Variants in ARHGAP15 observed in about 807,000 individuals in gnomAD.
ARHGAP15 encodes the protein Rho GTPase activating protein 15.
In ARHGAP15, 51 loss-of-function variants were observed where a neutral mutation model predicts 63.7. That is an observed-to-expected ratio of 0.80 (90% CI 0.64 to 1.01). The LOEUF is 1.01. Ranked by LOEUF, ARHGAP15 falls within the 50% of genes least tolerant of loss-of-function variation. The pLI is 0.00. For synonymous variants in ARHGAP15, 191 were observed against 193.8 expected (o/e 0.99, Z 0.12); for missense variants, 560 against 564.6 (o/e 0.99, Z 0.08).
At chr2:143,343,847 C>T (rs999944573) in intron 6 of ARHGAP15, among the ~76,000 whole-genome samples, 18 of 152,232 alleles carry the variant, frequency 1.2e-4, no homozygotes, top group South Asian at 8.3e-4. Context: ...TTAATAATCT[C>T]TTTTCTCTGA....
chr2:143,491,221 G>A (rs985926097), intron 9 of ARHGAP15, among the ~76,000 whole-genome samples: 13 of 152,180 alleles, frequency 8.5e-5, no homozygotes, highest in African/African-American at 1.9e-4. Context: ...AGGCAAAAGC[G>A]TCCATTTTTG....
At chr2:143,232,350 C>G (rs1406144716) in intron 5 of ARHGAP15, among the ~76,000 whole-genome samples, 1 of 152,154 alleles carries the variant, frequency 6.6e-6, no homozygotes, top group African/African-American at 2.4e-5. Context: ...GCCTAACATA[C>G]TCTCTCTTTT....
intron 13 of ARHGAP15, chr2:143,706,560 G>C (rs1023906319): frequency 8.5e-5 from 13 of 152,162 alleles, no homozygotes; most frequent in African/African-American, 3.1e-4. Flanking sequence ...AACTGGGAAA[G>C]CTTAATGCGG....
intron 10 of ARHGAP15, among the ~76,000 whole-genome samples, chr2:143,543,490 C>G (rs58857484): frequency 0.21 from 32,103 of 151,980 alleles, 3,686 homozygotes; most frequent in Middle Eastern, 0.29. Flanking sequence ...TAATTTCTCC[C>G]ATTCTATAGG....
intron 13 of ARHGAP15, among the ~76,000 whole-genome samples, chr2:143,721,007 A>G (rs1164046308): frequency 7.1e-6 from 1 of 141,466 alleles, no homozygotes; most frequent in East Asian, 2.2e-4. Context: ...TGGAGCTTGC[A>G]GTGAGCCGAG....
intron 6 of ARHGAP15, among the ~76,000 whole-genome samples, chr2:143,342,053 T>A (rs2105288716): frequency 6.6e-6 from 1 of 152,268 alleles, no homozygotes; most frequent in African/African-American, 2.4e-5. Context: ...ATGGTAGAAT[T>A]GGAGACAACT....
chr2:143,330,114 AAAAAAAAAAAAAAAAAACCAAAAAC>A lies in ARHGAP15; in HGVS notation c.474+79521_474+79545del, dbSNP rs1459617394. ...TGTCTCAAAAAAAAAAAAAAAAAAA[AAAAAAAAAAAAAAAAAACCAAAAAC>A]AAAAAACTAAACTAATGATTAATAA... On this transcript the variant is annotated intron_variant, in intron 6 of 13. Coordinates refer to ENST00000295095, the MANE Select transcript of ARHGAP15 (RefSeq NM_018460.4). 2.9e-4 allele frequency among the ~76,000 whole-genome samples: 26 copies of A among 88,918 alleles called. 2 individuals are homozygous for A. The highest frequency in any genetic ancestry group is 1.5e-3 in the South Asian group (4 of 2,716). 58.3% of individuals were successfully genotyped at this position (88,918 alleles called of 152,430 possible). A position where few individuals can be genotyped will look rare whatever the true frequency, so the allele number is the denominator to read the frequency against.
chr2:143,606,678 A>C (rs1203912831), intron 11 of ARHGAP15: 1 of 152,198 alleles, frequency 6.6e-6, no homozygotes, highest in Non-Finnish European at 1.5e-5. Flanking sequence ...CTGTGTTGTA[A>C]AGAAGTTTTT....
intron 12 of ARHGAP15, among the ~76,000 whole-genome samples, chr2:143,686,885 G>T (rs1256255899): frequency 1.3e-5 from 2 of 152,156 alleles, no homozygotes; most frequent in African/African-American, 4.8e-5. Context: ...AACAACTTCT[G>T]CATTCAAAAT....
chr2:143,514,028 A>G (rs1471237959), intron 9 of ARHGAP15, among the ~76,000 whole-genome samples: 2 of 152,186 alleles, frequency 1.3e-5, no homozygotes, highest in Admixed American at 1.3e-4. Context: ...GAATATATAA[A>G]GTACTTTGAG....
intron 11 of ARHGAP15, among the ~76,000 whole-genome samples, chr2:143,569,247 A>C (rs185569037): frequency 2.6e-5 from 4 of 152,320 alleles, no homozygotes; most frequent in Admixed American, 2.6e-4. Context: ...ATTTCTTGAA[A>C]ACCTTTTATG....
At chr2:143,689,924 A>G (rs1484459421) in intron 12 of ARHGAP15, among the ~76,000 whole-genome samples, 2 of 152,156 alleles carry the variant, frequency 1.3e-5, no homozygotes, top group Non-Finnish European at 2.9e-5. Flanking sequence ...TGATCCCAGT[A>G]TGAAGAGAAG....
intron 9 of ARHGAP15, among the ~76,000 whole-genome samples, chr2:143,505,860 G>GAAAGTGCTTTTAACCT (rs1553491714): frequency 6.6e-6 from 1 of 152,208 alleles, no homozygotes; most frequent in Non-Finnish European, 1.5e-5. Context: ...GGCTGAGAGA[G>GAAAGTGCTTTTAACCT]AAAGTGCTTT....
chr2:143,156,173 G>A (rs1259587483), intron 2 of ARHGAP15, among the ~76,000 whole-genome samples: 1 of 151,854 alleles, frequency 6.6e-6, no homozygotes, highest in Non-Finnish European at 1.5e-5. Flanking sequence ...GGTTTGGAGA[G>A]GAAGCCATTT....
chr2:143,666,488 C>G (rs980211821), intron 12 of ARHGAP15, among the ~76,000 whole-genome samples: 1 of 149,788 alleles, frequency 6.7e-6, no homozygotes, highest in Non-Finnish European at 1.5e-5. Context: ...CTAGGCATTA[C>G]CATTCAGGAC....
chr2:143,178,437 G>C (rs1365483522), intron 2 of ARHGAP15, among the ~76,000 whole-genome samples: 3 of 152,030 alleles, frequency 2.0e-5, no homozygotes, highest in African/African-American at 7.2e-5. Flanking sequence ...TAAAATCTAA[G>C]GCTTATCAGA....
intron 6 of ARHGAP15, among the ~76,000 whole-genome samples, chr2:143,353,119 G>A (rs985730357): frequency 6.6e-6 from 1 of 151,950 alleles, no homozygotes; most frequent in African/African-American, 2.4e-5. Flanking sequence ...AAAATTAGAA[G>A]GCACATAAGC....
intron 9 of ARHGAP15, among the ~76,000 whole-genome samples, chr2:143,509,957 G>A (rs1693503350): frequency 7.0e-6 from 1 of 143,750 alleles, no homozygotes; most frequent in Non-Finnish European, 1.5e-5. Context: ...GGAGTCAGAG[G>A]TGTAGTGAGC....
chr2:143,563,575 A>G (rs1324581435), intron 11 of ARHGAP15, among the ~76,000 whole-genome samples: 3 of 152,200 alleles, frequency 2.0e-5, no homozygotes, highest in Admixed American at 6.5e-5. Flanking sequence ...ACTGAAATTT[A>G]AAGTATTAAT....
Sources: gnomAD v4.1 joint callset for allele counts (sites outside exome capture counted in the v4.1 genomes callset) on GRCh38, gnomAD v4.1.1 for gene constraint, MANE v1.5 for transcripts, NCBI Gene and HGNC (gene_info 2026-07-23, HGNC 2026-07-21) for gene names.